HAGH: variants seen among roughly 807,000 people sequenced by gnomAD.
HAGH encodes hydroxyacylglutathione hydrolase, mitochondrial.
In HAGH, 29 loss-of-function variants were observed where a neutral mutation model predicts 35.1. The ratio of observed to expected loss-of-function variants is 0.83; its 90% confidence interval spans 0.62 to 1.13. The LOEUF (loss-of-function observed/expected upper bound fraction) is 1.13, where lower values mean the gene tolerates loss of function less well. Ranked by LOEUF, HAGH falls within the 50% of genes most tolerant of loss-of-function variation. HAGH has a pLI of 0.00. For missense variants in HAGH, 478 were observed against 419.6 expected, an observed-to-expected ratio of 1.14 and a Z score of -1.22; for synonymous variants, 225 against 176.1, an observed-to-expected ratio of 1.28 and a Z score of -2.20.
At chr16:1,819,248 G>C in intron 4 of HAGH, 25 bp from the exon 5 acceptor site, 1 of 1,471,620 alleles carries the variant, frequency 6.8e-7, no homozygotes, top group Non-Finnish European at 9.4e-7. Context: ...GCGACCGCGT[G>C]TGCTCCCAGA....
At chr16:1,809,670 G>C in intron 8 of HAGH, 84 bp downstream of exon 8, 2 of 991,124 alleles carry the variant, frequency 2.0e-6, no homozygotes, top group East Asian at 4.8e-5. Flanking sequence ...AGCCATCTGG[G>C]GTCTCGGACG....
At chr16:1,825,027 CA>C (rs1485920696) in intron 1 of HAGH, among the ~76,000 whole-genome samples, 2 of 152,192 alleles carry the variant, frequency 1.3e-5, no homozygotes, top group Non-Finnish European at 2.9e-5. Flanking sequence ...ACATTACAAA[CA>C]AAAATACTGC....
At chr16:1,825,047 G>C (rs1039944238) in intron 1 of HAGH, among the ~76,000 whole-genome samples, 5 of 152,236 alleles carry the variant, frequency 3.3e-5, no homozygotes, top group Admixed American at 2.6e-4. Flanking sequence ...GCCCACGTGC[G>C]GTGGCTCACG....
rs1268333153 is a variant in HAGH at position 1,826,645 on chromosome 16, C to G, written c.76+67G>C. On this transcript the variant is annotated intron_variant, in intron 1 of 8. Coordinates refer to ENST00000397356, the MANE Select transcript of HAGH (RefSeq NM_005326.6). The stretch of plus-strand genomic sequence containing the variant: ...CGTCAGCGGTCGCCAAACGACGGCC[C>G]GGCGCCGCCCGCTGCCCGCCCCGCC... The G allele has an allele frequency of 8.3e-6, 8 of 964,924 alleles. No individual in the cohort carries two copies. In the Admixed American group the frequency reaches 5.0e-4, roughly 61 times the overall value. 59.8% of individuals were successfully genotyped at this position (964,924 alleles called of 1,614,324 possible).
intron 7 of HAGH, among the ~76,000 whole-genome samples, chr16:1,814,990 AGAT>A (rs1897830577): frequency 6.6e-6 from 1 of 152,012 alleles, no homozygotes. Flanking sequence ...ACTTGTTTCC[AGAT>A]GATATAAGGA....
At chr16:1,824,001 C>T (rs975565642) in intron 1 of HAGH, among the ~76,000 whole-genome samples, 6 of 152,108 alleles carry the variant, frequency 3.9e-5, no homozygotes, top group Non-Finnish European at 8.8e-5. Context: ...GGGGTGCCCC[C>T]GCCTGGCCAT....
intron 3 of HAGH, chr16:1,822,022 G>T: frequency 2.6e-6 from 1 of 390,746 alleles, no homozygotes; most frequent in Non-Finnish European, 4.6e-6. Flanking sequence ...CAACGTGCCA[G>T]GGCACAAACC....
Position 1,809,771 on chromosome 16 carries a change from G to A in HAGH, c.810C>T (p.Asn270=), listed in dbSNP as rs758183410. 5.0e-6 allele frequency: 8 copies of A among 1,613,240 alleles called. No homozygotes were observed. The highest frequency in any genetic ancestry group is 4.5e-5 in the East Asian group (2 of 44,876). The change falls in exon 8 of 9, where the codon AAC becomes AAT. Residue 270 remains asparagine (N), a synonymous_variant. Coordinates refer to ENST00000397356, the MANE Select transcript of HAGH (RefSeq NM_005326.6). ...PSTLAEEFTY[N]PFMRVREKTV... Reference sequence around the variant, plus strand: ...GGCCTCACCTCACTCTCATGAAGGGGTTGTAGGTAAACTCCTCTGCCAGGG... The same window carrying A: ...GGCCTCACCTCACTCTCATGAAGGGATTGTAGGTAAACTCCTCTGCCAGGG...
intron 7 of HAGH, among the ~76,000 whole-genome samples, 197 bp downstream of exon 7, chr16:1,816,696 C>T (rs1440960496): frequency 6.6e-6 from 1 of 152,254 alleles, no homozygotes; most frequent in Non-Finnish European, 1.5e-5. Context: ...AGGCCTACTC[C>T]AGACCCTCCG....
Position 1,816,882 on chromosome 16 carries a change from GC to G in HAGH, c.747+10del. 6.3e-7 allele frequency: 1 copy of G among 1,574,910 alleles called. No individual in the cohort carries two copies. Among genetic ancestry groups the G allele is most frequent in the Non-Finnish European group, 8.7e-7 (1 of 1,145,086 alleles). ...CACAGGAAGGCACTGCGCAGTGACGGCCCCACTCACCTTGGCCCAGGCCAGC... is the reference window on the plus strand; with the variant it reads ...CACAGGAAGGCACTGCGCAGTGACGGCCCACTCACCTTGGCCCAGGCCAGC... On this transcript the variant is annotated intron_variant, in intron 7 of 8. Transcript: ENST00000397356.
At chr16:1,811,635 C>G (rs1482994519) in intron 7 of HAGH, among the ~76,000 whole-genome samples, 1 of 152,074 alleles carries the variant, frequency 6.6e-6, no homozygotes, top group East Asian at 1.9e-4. Flanking sequence ...ATCGCTTGAA[C>G]CCGGGAGGCG....
chr16:1,814,846 T>C (rs7197435), intron 7 of HAGH, among the ~76,000 whole-genome samples: 14,009 of 151,700 alleles, frequency 0.092, 790 homozygotes, highest in African/African-American at 0.16. Context: ...TGCAGTGAGA[T>C]GAGATCACAC....
intron 3 of HAGH, among the ~76,000 whole-genome samples, 196 bp from the exon 4 acceptor site, chr16:1,820,210 C>T (rs911200123): frequency 6.6e-6 from 1 of 151,984 alleles, no homozygotes; most frequent in East Asian, 1.9e-4. Flanking sequence ...GCCAGGGTTC[C>T]GAGCGTGGGG....
upstream of HAGH, chr16:1,827,077 G>T: frequency 9.3e-7 from 1 of 1,077,742 alleles, no homozygotes; most frequent in South Asian, 1.6e-5. Flanking sequence ...TGGATCCCTG[G>T]AGGCCGAGCG....
chr16:1,813,028 A>C, intron 7 of HAGH, among the ~76,000 whole-genome samples: 1 of 151,976 alleles, frequency 6.6e-6, no homozygotes, highest in Non-Finnish European at 1.5e-5. Context: ...CAGCCCGGCC[A>C]CTCCCTTCTC....
At chr16:1,826,684 C>G in intron 1 of HAGH, 28 bp downstream of exon 1, 1 of 998,910 alleles carries the variant, frequency 1.0e-6, no homozygotes, top group Non-Finnish European at 1.2e-6. Flanking sequence ...CCCGCGTCCC[C>G]CGGCCCGCAC....
At position 1,822,487 on chromosome 16, in the gene HAGH, C is replaced by CAG. The variant is rs1182614872; in HGVS notation, c.250-124_250-123insCT. ...ATGAGGGGCCGCTGACATGGCCCGT[C>CAG]CTGACCCTGCCAGCTTGCCCTGCTC... is the stretch of plus-strand genomic sequence containing the variant. On this transcript the variant is annotated intron_variant, in intron 2 of 8. Transcript: ENST00000397356. The CAG allele has an allele frequency of 2.2e-5, 17 of 760,968 alleles. No homozygotes were observed. In the East Asian group the frequency reaches 4.0e-4, roughly 18 times the overall value. 47.1% of individuals were successfully genotyped at this position (760,968 alleles called of 1,614,324 possible).
At chr16:1,819,283 G>C in intron 4 of HAGH, 60 bp from the exon 5 acceptor site, 1 of 1,107,342 alleles carries the variant, frequency 9.0e-7, no homozygotes, top group South Asian at 1.4e-5. Flanking sequence ...ATCTCCCGGG[G>C]TCACGGCGCG....
At chr16:1,818,329 C>T (rs117014940) in intron 5 of HAGH, among the ~76,000 whole-genome samples, 8,400 of 152,242 alleles carry the variant, frequency 0.055, 247 homozygotes, top group East Asian at 0.12. Context: ...AGCCTGAAGG[C>T]ACCTTATCCC....
Sources: allele counts gnomAD v4.1 joint callset (sites outside exome capture counted in the v4.1 genomes callset), GRCh38; gene constraint gnomAD v4.1.1; transcripts MANE v1.5; gene names NCBI Gene and HGNC (gene_info 2026-07-23, HGNC 2026-07-21).